The following RICTOR variants were observed in gnomAD, a reference collection of about 807,000 sequenced individuals.
The protein encoded by RICTOR is RPTOR independent companion of MTOR complex 2.
RICTOR carries 49 observed loss-of-function variants against 214.9 expected under a neutral mutation model. The ratio of observed to expected loss-of-function variants is 0.23; its 90% CI spans 0.18 to 0.29. RICTOR has a LOEUF of 0.29. RICTOR is among the 10% of genes least tolerant of loss of function. The pLI is 1.00. For missense variants in RICTOR, 1,625 were observed against 2,047.0 expected, an observed-to-expected ratio of 0.79 and a Z score of 3.98; for synonymous variants, 717 against 711.3, an observed-to-expected ratio of 1.01 and a Z score of -0.13.
chr5:39,005,131 A>T (rs1003898430), intron 3 of RICTOR, among the ~76,000 whole-genome samples: 1 of 152,126 alleles, frequency 6.6e-6, no homozygotes, highest in Non-Finnish European at 1.5e-5. Flanking sequence ...GGTTTCCAGC[A>T]ATCTTATTAC....
chr5:39,003,178 C>G (rs1199575881), intron 4 of RICTOR, among the ~76,000 whole-genome samples: 4 of 152,118 alleles, frequency 2.6e-5, no homozygotes, highest in Non-Finnish European at 5.9e-5. Flanking sequence ...TAACATGCCT[C>G]TATTAGTGTG....
At chr5:39,069,300 A>G (rs556616903) in intron 2 of RICTOR, among the ~76,000 whole-genome samples, 43 of 152,184 alleles carry the variant, frequency 2.8e-4, no homozygotes, top group Non-Finnish European at 1.9e-4. Context: ...TTATCATTCC[A>G]TATCTCCCAC....
intron 10 of RICTOR, among the ~76,000 whole-genome samples, chr5:38,973,507 T>C (rs914248466): frequency 2.6e-5 from 4 of 152,170 alleles, no homozygotes; most frequent in African/African-American, 9.7e-5. Context: ...TTTTTCAATT[T>C]TTCTGTATGT....
chr5:38,976,047 T>C lies in RICTOR; in HGVS notation c.822-443A>G, dbSNP rs552828061. On this transcript the variant is annotated intron_variant, in intron 9 of 37. Transcript: ENST00000357387. ...CAACAAGCAAGTTCAACAACCTATA[T>C]AGTCACTGAAATGTTATGAAATAAC... Among the ~76,000 whole-genome samples, 4 of 152,352 alleles carry C rather than the reference T, an allele frequency of 2.6e-5. No individual in the cohort carries two copies. In the South Asian group the frequency reaches 6.2e-4, roughly 24 times the overall value.
At chr5:39,023,664 A>T (rs934904025) in intron 2 of RICTOR, among the ~76,000 whole-genome samples, 3 of 152,186 alleles carry the variant, frequency 2.0e-5, no homozygotes, top group African/African-American at 7.2e-5. Context: ...TGAGACTTTT[A>T]TCTGTTAACA....
chr5:38,999,593 A>G (rs1170670509), intron 5 of RICTOR, among the ~76,000 whole-genome samples: 1 of 152,120 alleles, frequency 6.6e-6, no homozygotes, highest in Non-Finnish European at 1.5e-5. Context: ...CGAAAAGAGG[A>G]AAAATATTGT....
chr5:38,958,064 C>T (rs768259186), intron 24 of RICTOR, among the ~76,000 whole-genome samples: 10 of 151,768 alleles, frequency 6.6e-5, no homozygotes, highest in Non-Finnish European at 7.4e-5. Context: ...GGTGAAACTC[C>T]AACTCTACTA....
intron 7 of RICTOR, among the ~76,000 whole-genome samples, chr5:38,983,667 G>A (rs1751910239): frequency 6.6e-6 from 1 of 152,120 alleles, no homozygotes; most frequent in African/African-American, 2.4e-5. Context: ...TACATAATAA[G>A]AAATTTGTAG....
chr5:38,996,042 T>G (rs951955781), intron 6 of RICTOR, among the ~76,000 whole-genome samples: 1 of 152,148 alleles, frequency 6.6e-6, no homozygotes, highest in South Asian at 2.1e-4. Flanking sequence ...GTACACCATT[T>G]TGGAACCTGT....
intron 28 of RICTOR, 50 bp downstream of exon 28, chr5:38,953,411 C>T: frequency 1.2e-6 from 1 of 800,978 alleles, no homozygotes; most frequent in Non-Finnish European, 2.0e-6. Flanking sequence ...GAAAAAAAAA[C>T]TTAAAAATCT....
intron 2 of RICTOR, among the ~76,000 whole-genome samples, chr5:39,023,887 T>C (rs768366077): frequency 6.6e-6 from 1 of 152,210 alleles, no homozygotes; most frequent in African/African-American, 2.4e-5. Flanking sequence ...GATCAATCAT[T>C]GGATTTTCAT....
chr5:39,038,871 C>T (rs1242564371), intron 2 of RICTOR, among the ~76,000 whole-genome samples: 2 of 151,966 alleles, frequency 1.3e-5, no homozygotes, highest in Non-Finnish European at 2.9e-5. Flanking sequence ...GAATCAATAT[C>T]GTGAAAATGG....
intron 7 of RICTOR, among the ~76,000 whole-genome samples, chr5:38,986,916 G>A (rs1752214290): frequency 6.6e-6 from 1 of 152,174 alleles, no homozygotes; most frequent in Non-Finnish European, 1.5e-5. Context: ...AGTTTACTGA[G>A]AGTTTTTAGC....
chr5:38,985,999 G>A (rs142717204), intron 7 of RICTOR, among the ~76,000 whole-genome samples: 1 of 152,156 alleles, frequency 6.6e-6, no homozygotes, highest in African/African-American at 2.4e-5. Flanking sequence ...ACCTGGCCTA[G>A]AGTTTATTAT....
At chr5:39,038,620 A>G (rs553489048) in intron 2 of RICTOR, among the ~76,000 whole-genome samples, 1 of 152,370 alleles carries the variant, frequency 6.6e-6, no homozygotes, top group East Asian at 1.9e-4. Flanking sequence ...ACTTCAGCAA[A>G]GTCTCAGGAT....
chr5:39,051,108 C>A (rs187439985), intron 2 of RICTOR, among the ~76,000 whole-genome samples: 1 of 151,788 alleles, frequency 6.6e-6, no homozygotes, highest in Non-Finnish European at 1.5e-5. Flanking sequence ...AGTAATTCCA[C>A]GCTAAATTAT....
chr5:38,941,406 C>G lies in RICTOR; in HGVS notation c.*898G>C, dbSNP rs1021975332. The stretch of plus-strand genomic sequence containing the variant: ...AAACTTATCTTTTCCTCAGGAGATC[C>G]AAAGTATTATTTAATGCTTTCCTAT... On this transcript the variant is annotated 3_prime_UTR_variant, in exon 38 of 38. Coordinates refer to ENST00000357387, the MANE Select transcript of RICTOR (RefSeq NM_152756.5). The G allele has an allele frequency of 5.2e-5, 12 of 231,654 alleles. No individual in the cohort carries two copies. The highest frequency in any genetic ancestry group is 2.4e-4 in the African/African-American group (11 of 45,184). 14.3% of individuals were successfully genotyped at this position (231,654 alleles called of 1,614,324 possible).
At position 38,981,191 on chromosome 5, in the gene RICTOR, C is replaced by T. The variant is rs528106096; in HGVS notation, c.753+676G>A. On this transcript the variant is annotated intron_variant, in intron 8 of 37. Transcript: ENST00000357387. ...GGGACAATCAATCTTTTATATCACACATGATTTCATACCTAAATACAAACA... is the reference window on the plus strand; with the variant it reads ...GGGACAATCAATCTTTTATATCACATATGATTTCATACCTAAATACAAACA... 17 of 152,288 alleles carry T rather than the reference C, an allele frequency of 1.1e-4. 1 individual carries two copies. Among genetic ancestry groups the T allele is most frequent in the African/African-American group, 2.9e-4 (12 of 41,554 alleles). The allele number at this position is 152,288 out of a possible 1,614,324, so 9.4% of individuals were successfully genotyped here. A position where few individuals can be genotyped will look rare whatever the true frequency, so the allele number is the denominator to read the frequency against.
chr5:38,954,698 A>G lies in RICTOR; in HGVS notation c.2697+76T>C, dbSNP rs559937329. 27 of 886,780 alleles carry G rather than the reference A, an allele frequency of 3.0e-5. No homozygotes were observed. In the Middle Eastern group the frequency reaches 1.1e-3, roughly 37 times the overall value. 54.9% of individuals were successfully genotyped at this position (886,780 alleles called of 1,614,324 possible). ...GCTTTTGAGAAGTTTTTGCAAAGGT[A>G]ATATTTTAGCAATGTTAAGATTTTG... On this transcript the variant is annotated intron_variant, in intron 27 of 37. Transcript: ENST00000357387.
Sources: gnomAD v4.1 joint callset for allele counts (sites outside exome capture counted in the v4.1 genomes callset) on GRCh38, gnomAD v4.1.1 for gene constraint, MANE v1.5 for transcripts, NCBI Gene and HGNC (gene_info 2026-07-23, HGNC 2026-07-21) for gene names.